The following FOXO3 variants were observed in gnomAD, a reference collection of about 807,000 sequenced individuals.
FOXO3 encodes forkhead box O3, also known as forkhead box protein O3.
In FOXO3, 4 loss-of-function variants were observed where a neutral mutation model predicts 41.9. The ratio of observed to expected loss-of-function variants is 0.10; its 90% CI spans 0.05 to 0.22. The LOEUF (loss-of-function observed/expected upper bound fraction) is 0.22. Ranked by LOEUF, FOXO3 falls within the 10% of genes least tolerant of loss-of-function variation. The pLI is 1.00. For synonymous variants in FOXO3, 318 were observed against 389.3 expected (o/e 0.82, Z 2.16); for missense variants, 534 against 906.8 (o/e 0.59, Z 5.28).
chr6:108,616,019 A>G (rs1384621886), intron 1 of FOXO3, among the ~76,000 whole-genome samples: 1 of 150,072 alleles, frequency 6.7e-6, no homozygotes, highest in South Asian at 2.1e-4. Context: ...AATGAGTCTC[A>G]CTCTGTCACC....
chr6:108,644,628 A>G (rs1189042859), intron 1 of FOXO3, among the ~76,000 whole-genome samples: 1 of 152,072 alleles, frequency 6.6e-6, no homozygotes, highest in African/African-American at 2.4e-5. Flanking sequence ...CTCATGTTGC[A>G]TGACTCCCAT....
At chr6:108,582,157 C>T (rs981898534) in intron 1 of FOXO3, among the ~76,000 whole-genome samples, 3 of 152,150 alleles carry the variant, frequency 2.0e-5, no homozygotes, top group Admixed American at 6.5e-5. Context: ...GGACATTGGC[C>T]CTTTCTTCAC....
At chr6:108,644,738 G>C (rs748448469) in intron 1 of FOXO3, among the ~76,000 whole-genome samples, 1 of 152,076 alleles carries the variant, frequency 6.6e-6, no homozygotes, top group Non-Finnish European at 1.5e-5. Context: ...TCATTACTTA[G>C]TTGCTCCTCC....
At chr6:108,594,410 T>C (rs1776817109) in intron 1 of FOXO3, among the ~76,000 whole-genome samples, 1 of 152,154 alleles carries the variant, frequency 6.6e-6, no homozygotes, top group African/African-American at 2.4e-5. Flanking sequence ...GTTAACATAG[T>C]AGTTTTGGTT....
chr6:108,661,038 CA>C (rs1778830408), intron 1 of FOXO3, among the ~76,000 whole-genome samples: 1 of 151,738 alleles, frequency 6.6e-6, no homozygotes, highest in Non-Finnish European at 1.5e-5. Flanking sequence ...CCAACCTGGG[CA>C]ACAGAGCGAG....
At chr6:108,597,800 A>C (rs1256411881) in intron 1 of FOXO3, among the ~76,000 whole-genome samples, 1 of 152,160 alleles carries the variant, frequency 6.6e-6, no homozygotes, top group Non-Finnish European at 1.5e-5. Context: ...GAGCTATTTC[A>C]TGTTTCCTCT....
In FOXO3 at chr6:108,561,685, C is replaced by T. The variant is rs61758963; in HGVS notation, c.477C>T (p.Asn159=). The T allele has an allele frequency of 1.2e-6, 2 of 1,609,958 alleles. No homozygotes were observed. The highest frequency in any genetic ancestry group is 8.5e-7 in the Non-Finnish European group (1 of 1,178,596). ...KCSSRRNAWG[N]LSYADLITRA... ...CGTCGCGGCGGAACGCCTGGGGAAACCTGTCCTACGCGGACCTGATCACCC... is the reference window on the plus strand; with the variant it reads ...CGTCGCGGCGGAACGCCTGGGGAAATCTGTCCTACGCGGACCTGATCACCC... The change falls in exon 1 of 3, where the codon AAC becomes AAT. Residue 159 remains asparagine (N), a synonymous_variant. Coordinates refer to ENST00000406360, the MANE Select transcript of FOXO3 (RefSeq NM_001455.4).
At chr6:108,672,162 CAGAG>C (rs1398756137) in intron 2 of FOXO3, among the ~76,000 whole-genome samples, 1 of 152,188 alleles carries the variant, frequency 6.6e-6, no homozygotes, top group Non-Finnish European at 1.5e-5. Flanking sequence ...CCAAGCCACT[CAGAG>C]AGATAAAGAG....
chr6:108,579,062 A>G (rs1233247081), intron 1 of FOXO3, among the ~76,000 whole-genome samples: 2 of 152,206 alleles, frequency 1.3e-5, no homozygotes, highest in African/African-American at 4.8e-5. Flanking sequence ...TGGGTTGGCC[A>G]GTTCTGGATG....
intron 1 of FOXO3, among the ~76,000 whole-genome samples, chr6:108,578,912 G>A (rs1177006778): frequency 1.3e-5 from 2 of 152,132 alleles, no homozygotes; most frequent in Non-Finnish European, 2.9e-5. Flanking sequence ...CACCACAGGT[G>A]GAACCAGGTA....
intron 1 of FOXO3, among the ~76,000 whole-genome samples, chr6:108,630,800 A>G (rs1268844336): frequency 2.0e-5 from 3 of 152,176 alleles, no homozygotes; most frequent in East Asian, 3.9e-4. Flanking sequence ...AGGAAAAACT[A>G]TATTAGACCT....
intron 2 of FOXO3, among the ~76,000 whole-genome samples, chr6:108,673,188 A>G (rs917171054): frequency 2.0e-5 from 3 of 152,222 alleles, no homozygotes; most frequent in African/African-American, 4.8e-5. Flanking sequence ...AACAAAAGCC[A>G]AAGCACTCCC....
At chr6:108,636,493 G>A (rs112481725) in intron 1 of FOXO3, among the ~76,000 whole-genome samples, 2,876 of 152,110 alleles carry the variant, frequency 0.019, 94 homozygotes, top group African/African-American at 0.064. Context: ...GGGCTGGGGT[G>A]GGGGGTGCAT....
chr6:108,604,047 C>T (rs1269001607), intron 1 of FOXO3, among the ~76,000 whole-genome samples: 1 of 152,116 alleles, frequency 6.6e-6, no homozygotes, highest in Non-Finnish European at 1.5e-5. Flanking sequence ...TCACATCCTG[C>T]AAACAACTGC....
chr6:108,616,049 G>A (rs903228302), intron 1 of FOXO3, among the ~76,000 whole-genome samples: 2 of 149,928 alleles, frequency 1.3e-5, no homozygotes, highest in Non-Finnish European at 2.9e-5. Flanking sequence ...GTGCAATGGC[G>A]CAATCTTGGC....
chr6:108,560,658 G>A (rs1333593834), upstream of FOXO3, among the ~76,000 whole-genome samples: 2 of 151,930 alleles, frequency 1.3e-5, no homozygotes, highest in African/African-American at 4.8e-5. Context: ...GCCGCGGGAG[G>A]CACTAGAGCG....
intron 1 of FOXO3, among the ~76,000 whole-genome samples, chr6:108,592,397 T>C (rs1397202340): frequency 1.3e-5 from 2 of 152,186 alleles, no homozygotes. Flanking sequence ...TTTACAGTAT[T>C]GTAAGCTATG....
intron 1 of FOXO3, among the ~76,000 whole-genome samples, chr6:108,594,132 T>C (rs1168114696): frequency 6.6e-6 from 1 of 152,246 alleles, no homozygotes; most frequent in Non-Finnish European, 1.5e-5. Flanking sequence ...TGTGCTGATA[T>C]TCTTTTTCCT....
intron 1 of FOXO3, among the ~76,000 whole-genome samples, chr6:108,624,901 CTGGAAT>C (rs1161867506): frequency 1.3e-5 from 2 of 152,026 alleles, no homozygotes; most frequent in African/African-American, 4.8e-5. Flanking sequence ...TCTGGAGTAG[CTGGAAT>C]TGGAGATACA....
Sources: gnomAD v4.1 joint callset for allele counts (sites outside exome capture counted in the v4.1 genomes callset) on GRCh38, gnomAD v4.1.1 for gene constraint, MANE v1.5 for transcripts, NCBI Gene and HGNC (gene_info 2026-07-23, HGNC 2026-07-21) for gene names.